Variants in COL11A1 observed in about 807,000 individuals in gnomAD.
COL11A1 encodes collagen alpha-1(XI) chain.
In COL11A1, 74 loss-of-function variants were observed where a neutral mutation model predicts 265.2. The observed-to-expected ratio is 0.28, with a 90% CI of 0.23 to 0.34. COL11A1 has a LOEUF of 0.34. Among genes scored for constraint, COL11A1 ranks in the 10% least tolerant of loss-of-function variants. The pLI is 1.00. For missense variants in COL11A1, 2,165 were observed against 2,263.6 expected (o/e 0.96, Z 0.88); for synonymous variants, 816 against 727.6 (o/e 1.12, Z -1.96).
intron 47 of COL11A1, among the ~76,000 whole-genome samples, chr1:102,921,855 A>G (rs1244207303): frequency 6.6e-6 from 1 of 152,236 alleles, no homozygotes; most frequent in Non-Finnish European, 1.5e-5. Context: ...TTCACAATAT[A>G]ACTAGATATA....
rs546473469 is a variant in COL11A1 at position 102,993,504 on chromosome 1, AGTT to A, written c.2340+2357_2340+2359del. 6.4e-3 allele frequency among the ~76,000 whole-genome samples: 968 copies of A among 152,180 alleles called. 4 individuals are homozygous for A. Among genetic ancestry groups the A allele is most frequent in the Non-Finnish European group, 0.01 (702 of 67,986 alleles). On this transcript the variant is annotated intron_variant, in intron 28 of 66. Transcript: ENST00000370096. ...AAGAAAATCTAAATGCTATATAAAT[AGTT>A]GTTATTTTTTCATTTGTATTATTGT... is the stretch of plus-strand genomic sequence containing the variant.
intron 4 of COL11A1, among the ~76,000 whole-genome samples, chr1:103,055,212 A>T (rs1670149071): frequency 6.6e-6 from 1 of 152,204 alleles, no homozygotes; most frequent in African/African-American, 2.4e-5. Context: ...CATCATTATT[A>T]TAATCTTTTT....
At chr1:102,885,896 C>A (rs1329632184) in intron 63 of COL11A1, among the ~76,000 whole-genome samples, 3 of 152,050 alleles carry the variant, frequency 2.0e-5, no homozygotes, top group African/African-American at 7.2e-5. Flanking sequence ...TGTGTTTTAC[C>A]TTTAACAGGC....
Position 102,934,854 on chromosome 1 carries a change from ATTAC to A in COL11A1, c.3492+202_3492+205del, listed in dbSNP as rs138714814. 0.032 allele frequency among the ~76,000 whole-genome samples: 4,836 copies of A among 152,340 alleles called. 105 individuals are homozygous for A. Among genetic ancestry groups the A allele is most frequent in the Middle Eastern group, 0.085 (25 of 294 alleles). ...TCTATTAAGGAATTCTCAACAAATT[ATTAC>A]TTACTTTCAAATGAAGTTACAATAT... On this transcript the variant is annotated intron_variant, in intron 45 of 66. Transcript: ENST00000370096.
intron 1 of COL11A1, among the ~76,000 whole-genome samples, chr1:103,103,707 T>C (rs1002455852): frequency 3.3e-5 from 5 of 150,896 alleles, no homozygotes; most frequent in African/African-American, 1.2e-4. Flanking sequence ...TACTTCCTTG[T>C]AATTTCACAT....
At chr1:103,088,157 C>T (rs914541522) in intron 1 of COL11A1, among the ~76,000 whole-genome samples, 2 of 152,134 alleles carry the variant, frequency 1.3e-5, no homozygotes, top group African/African-American at 4.8e-5. Context: ...CTAATTCCTT[C>T]TCTAAGCTTC....
intron 36 of COL11A1, among the ~76,000 whole-genome samples, chr1:102,974,440 G>A (rs1662270621): frequency 6.6e-6 from 1 of 152,030 alleles, no homozygotes; most frequent in African/African-American, 2.4e-5. Flanking sequence ...CAATGTTGGA[G>A]GGATTTAGGA....
intron 38 of COL11A1, among the ~76,000 whole-genome samples, chr1:102,965,152 A>C (rs930890242): frequency 3.3e-5 from 5 of 152,196 alleles, no homozygotes; most frequent in African/African-American, 1.2e-4. Flanking sequence ...GAAAAAGATA[A>C]TGGCCCACCT....
chr1:102,893,677 T>A (rs1375068993), intron 57 of COL11A1, among the ~76,000 whole-genome samples: 1 of 152,178 alleles, frequency 6.6e-6, no homozygotes, highest in Non-Finnish European at 1.5e-5. Context: ...TGCAGTATTA[T>A]ACTTTCTGGA....
Position 103,031,249 on chromosome 1 carries a change from G to GGAAAA in COL11A1, c.652-6_652-5insTTTTC. ...CAAAAACTGCTGAATGTCCCCCTGGGAAAAAAAAAAAAACAAAAACAAACA... is the reference window on the plus strand; with the variant it reads ...CAAAAACTGCTGAATGTCCCCCTGGGGAAAAAAAAAAAAAAAAACAAAAACAAACA... On this transcript the variant is annotated splice_polypyrimidine_tract_variant and splice_region_variant and intron_variant, in intron 4 of 66. Transcript: ENST00000370096. 3 of 1,363,304 alleles carry GGAAAA rather than the reference G, an allele frequency of 2.2e-6. No individual in the cohort carries two copies. The African/African-American group carries it at 4.3e-5, about 20-fold the overall frequency. 84.5% of individuals were successfully genotyped at this position (1,363,304 alleles called of 1,614,324 possible).
intron 44 of COL11A1, among the ~76,000 whole-genome samples, chr1:102,936,252 A>G (rs887606048): frequency 6.6e-6 from 1 of 150,950 alleles, no homozygotes; most frequent in Non-Finnish European, 1.5e-5. Flanking sequence ...AAAAAAAAAA[A>G]GCCCTACAAA....
intron 4 of COL11A1, among the ~76,000 whole-genome samples, chr1:103,060,847 C>T (rs1175093792): frequency 6.6e-6 from 1 of 151,934 alleles, no homozygotes; most frequent in Admixed American, 6.6e-5. Context: ...GGAAGGATCA[C>T]CTGAGCCCAG....
intron 41 of COL11A1, among the ~76,000 whole-genome samples, chr1:102,958,863 C>A (rs1660619979): frequency 6.6e-6 from 1 of 152,106 alleles, no homozygotes; most frequent in South Asian, 2.1e-4. Context: ...TGTTCTTGCT[C>A]TTGATGAGGT....
intron 1 of COL11A1, among the ~76,000 whole-genome samples, chr1:103,092,849 T>G (rs376169484): frequency 6.6e-6 from 1 of 152,198 alleles, no homozygotes; most frequent in Non-Finnish European, 1.5e-5. Context: ...AGAAAAGTCA[T>G]GACACACACA....
chr1:102,945,979 A>G (rs1362271214), intron 42 of COL11A1, among the ~76,000 whole-genome samples: 1 of 143,566 alleles, frequency 7.0e-6, no homozygotes, highest in African/African-American at 2.6e-5. Flanking sequence ...CACATACACC[A>G]TGGAATACTA....
At chr1:103,017,787 A>G in intron 11 of COL11A1, 33 bp downstream of exon 11, 1 of 1,551,922 alleles carries the variant, frequency 6.4e-7, no homozygotes, top group Non-Finnish European at 8.9e-7. Context: ...TATGACATGC[A>G]TTTGTAATGA....
At chr1:103,103,470 T>C (rs951422244) in intron 1 of COL11A1, among the ~76,000 whole-genome samples, 6 of 151,976 alleles carry the variant, frequency 3.9e-5, no homozygotes, top group Non-Finnish European at 8.8e-5. Flanking sequence ...TCTTATAAAA[T>C]GACATAATTA....
intron 28 of COL11A1, among the ~76,000 whole-genome samples, chr1:102,995,066 C>T (rs1664491797): frequency 6.6e-6 from 1 of 152,102 alleles, no homozygotes; most frequent in South Asian, 2.1e-4. Flanking sequence ...CACCTCCCAC[C>T]ATGTGCCTCC....
chr1:102,930,961 C>A (rs1021359416), intron 46 of COL11A1, among the ~76,000 whole-genome samples: 2 of 149,240 alleles, frequency 1.3e-5, no homozygotes, highest in African/African-American at 4.9e-5. Context: ...TTTTTTATTG[C>A]GTCTATTTGA....
Sources: allele counts gnomAD v4.1 joint callset (sites outside exome capture counted in the v4.1 genomes callset), GRCh38; gene constraint gnomAD v4.1.1; transcripts MANE v1.5; gene names NCBI Gene and HGNC (gene_info 2026-07-23, HGNC 2026-07-21).